CC2D1A: variants seen among roughly 807,000 people sequenced by gnomAD.
CC2D1A encodes the protein coiled-coil and C2 domain containing 1A.
In CC2D1A, 68 loss-of-function variants were observed where a neutral mutation model predicts 123.8. The observed-to-expected ratio is 0.55, with a 90% CI of 0.45 to 0.67. The LOEUF (loss-of-function observed/expected upper bound fraction) is 0.67, where lower values mean the gene tolerates loss of function less well. CC2D1A is among the 30% of genes least tolerant of loss of function. The probability of loss-of-function intolerance (pLI) is 0.00; values close to 1 mark genes in which losing one functional copy is unlikely to be tolerated. For synonymous variants in CC2D1A, 477 were observed against 528.0 expected (o/e 0.90, Z 1.32); for missense variants, 1,185 against 1,290.3 (o/e 0.92, Z 1.25).
chr19:13,927,019 C>G lies in CC2D1A; in HGVS notation c.2167C>G (p.Arg723Gly). ...CAAACTCTGCATCAACCGCAGCCACCGTGGCTTCCGAAGGGCCATCCAGAC... is the reference window on the plus strand; with the variant it reads ...CAAACTCTGCATCAACCGCAGCCACGGTGGCTTCCGAAGGGCCATCCAGAC... ...QFKLCINRSH[R>G]GFRRAIQTKG... Residue 723 changes from arginine to glycine, a missense_variant, in exon 21 of 29, where the codon CGT (arginine) becomes GGT (glycine). Arg to Gly is a moderately radical substitution (Grantham distance 125). Coordinates refer to ENST00000318003, the MANE Select transcript of CC2D1A (RefSeq NM_017721.5). 6.2e-7 allele frequency: 1 copy of G among 1,614,068 alleles called. No individual in the cohort carries two copies. The highest frequency in any genetic ancestry group is 8.5e-7 in the Non-Finnish European group (1 of 1,180,020).
Position 13,918,588 on chromosome 19 carries a change from G to T in CC2D1A, c.946+12G>T. Reference sequence around the variant, plus strand: ...GCCCCCTCCACCCGGTGAGAACCCTGCCATGCCCACTCTCTGGGATGGTTT... The same window carrying T: ...GCCCCCTCCACCCGGTGAGAACCCTTCCATGCCCACTCTCTGGGATGGTTT... On this transcript the variant is annotated intron_variant, in intron 8 of 28. Transcript: ENST00000318003. The T allele has an allele frequency of 6.2e-7, 1 of 1,612,222 alleles. No homozygotes were observed.
intron 22 of CC2D1A, 170 bp downstream of exon 22, chr19:13,927,435 C>A: frequency 1.6e-6 from 1 of 613,640 alleles, no homozygotes; most frequent in Non-Finnish European, 2.9e-6. Context: ...CAGTACCCCA[C>A]TCCATTATGA....
In CC2D1A at chr19:13,909,875, G is replaced by A. The variant is rs1970934112; in HGVS notation, c.113G>A (p.Gly38Glu). The A allele has an allele frequency of 1.3e-6, 2 of 1,573,756 alleles. No homozygotes were observed. Among genetic ancestry groups the A allele is most frequent in the South Asian group, 1.2e-5 (1 of 85,544 alleles). The change falls in exon 2 of 29, where the codon GGG (glycine) becomes GAG (glutamate). Residue 38 changes from glycine to glutamate, a missense_variant. Physicochemically the swap from Gly to Glu is moderately conservative, Grantham distance 98 (BLOSUM62 -2). Transcript: ENST00000318003. Reference sequence around the variant, plus strand: ...GATGGCCTGATGATCCCTGAGGACGGGGCTAACGATGAAGAACTGGAGGCT... The same window carrying A: ...GATGGCCTGATGATCCCTGAGGACGAGGCTAACGATGAAGAACTGGAGGCT... ...SPDGLMIPED[G>E]ANDEELEAEF...
chr19:13,914,827 G>C (rs1245614485), intron 6 of CC2D1A, among the ~76,000 whole-genome samples: 1 of 152,166 alleles, frequency 6.6e-6, no homozygotes, highest in Non-Finnish European at 1.5e-5. Flanking sequence ...ACTTTTTGTA[G>C]AGGTGCCATG....
chr19:13,927,214 G>A lies in CC2D1A; in HGVS notation c.2265G>A (p.Gln755=), dbSNP rs373172947. The A allele has an allele frequency of 1.2e-6, 2 of 1,614,152 alleles. No homozygotes were observed. Among genetic ancestry groups the A allele is most frequent in the African/African-American group, 2.7e-5 (2 of 75,042 alleles). Residue 755 remains glutamine (Q), a synonymous_variant, in exon 22 of 29, where the codon CAG becomes CAA. Coordinates refer to ENST00000318003, the MANE Select transcript of CC2D1A (RefSeq NM_017721.5). ...CTGACCGGGTGCTGGGGACAGCCCAGCTGAAGCTGGATGCACTGGAGATAG... is the reference window on the plus strand; with the variant it reads ...CTGACCGGGTGCTGGGGACAGCCCAACTGAAGCTGGATGCACTGGAGATAG... ...FKTDRVLGTA[Q]LKLDALEIAC...
At chr19:13,915,640 G>C (rs1489170188) in intron 6 of CC2D1A, among the ~76,000 whole-genome samples, 1 of 152,156 alleles carries the variant, frequency 6.6e-6, no homozygotes, top group African/African-American at 2.4e-5. Flanking sequence ...GAGCAGTCTA[G>C]GCAACATAGC....
chr19:13,917,107 G>C (rs1006085345), intron 6 of CC2D1A, among the ~76,000 whole-genome samples: 1 of 152,218 alleles, frequency 6.6e-6, no homozygotes, highest in Non-Finnish European at 1.5e-5. Flanking sequence ...ATAAATTTCT[G>C]TGGGGGACGT....
Position 13,929,413 on chromosome 19 carries a change from G to C in CC2D1A, c.2554G>C (p.Ala852Pro). ...ARPLHSLSVLAFDQERLERKI... is the reference protein window; with the variant it reads ...ARPLHSLSVLPFDQERLERKI... ...GCCCCTGCATAGCCTCAGTGTGCTGGCGTTTGACCAAGAGCGTCTGGAGCG... is the reference window on the plus strand; with the variant it reads ...GCCCCTGCATAGCCTCAGTGTGCTGCCGTTTGACCAAGAGCGTCTGGAGCG... The change falls in exon 25 of 29, where the codon GCG becomes CCG. Residue 852 changes from alanine to proline, a missense_variant. Ala to Pro is a conservative substitution (Grantham distance 27). Coordinates refer to ENST00000318003, the MANE Select transcript of CC2D1A (RefSeq NM_017721.5). The C allele has an allele frequency of 1.9e-6, 3 of 1,613,518 alleles. No individual in the cohort carries two copies. The highest frequency in any genetic ancestry group is 1.7e-6 in the Non-Finnish European group (2 of 1,179,980).
chr19:13,910,545 G>A (rs76955960), intron 2 of CC2D1A, among the ~76,000 whole-genome samples: 1,658 of 152,104 alleles, frequency 0.011, 37 homozygotes, highest in African/African-American at 0.038. Flanking sequence ...CTGTAAAACT[G>A]GAATAATAAC....
chr19:13,915,433 A>G (rs1454334092), intron 6 of CC2D1A, among the ~76,000 whole-genome samples: 1 of 152,048 alleles, frequency 6.6e-6, no homozygotes, highest in African/African-American at 2.4e-5. Context: ...TTTAGTAGAG[A>G]CGGGGTTTCA....
chr19:13,929,662 T>C lies in CC2D1A; in HGVS notation c.2710+2T>C. ...AGGGGGGTGTGGGCATCCGACGGGG[T>C]AGGGGTTTGGAGATGGGCATCTGGT... On this transcript the variant is annotated splice_donor_variant, in intron 26 of 28. Coordinates refer to ENST00000318003, the MANE Select transcript of CC2D1A (RefSeq NM_017721.5). LOFTEE classifies it high-confidence loss of function. The C allele has an allele frequency of 6.9e-7, 1 of 1,458,048 alleles. No individual in the cohort carries two copies. Among genetic ancestry groups the C allele is most frequent in the Non-Finnish European group, 9.1e-7 (1 of 1,101,866 alleles). The allele number at this position is 1,458,048 out of a possible 1,614,324, so 90.3% of individuals were successfully genotyped here.
At chr19:13,918,427 G>C in intron 7 of CC2D1A, 77 bp from the exon 8 acceptor site, 1 of 1,402,436 alleles carries the variant, frequency 7.1e-7, no homozygotes, top group South Asian at 1.3e-5. Context: ...CGGTGGCATG[G>C]AAGGGCCCGG....
In CC2D1A at chr19:13,927,282, C is replaced by G; in HGVS notation, c.2316+17C>G. 1 of 1,593,516 alleles carries G rather than the reference C, an allele frequency of 6.3e-7. No individual in the cohort carries two copies. Among genetic ancestry groups the G allele is most frequent in the Non-Finnish European group, 8.6e-7 (1 of 1,161,324 alleles). ...ATCCTTGAGGTGAGAGGTGGACATT[C>G]ATCCGCGTGCTCCGGTATGGCCATG... is the stretch of plus-strand genomic sequence containing the variant. On this transcript the variant is annotated intron_variant, in intron 22 of 28. Coordinates refer to ENST00000318003, the MANE Select transcript of CC2D1A (RefSeq NM_017721.5).
chr19:13,926,729 C>T lies in CC2D1A; in HGVS notation c.2073+4C>T, dbSNP rs369408557. The T allele has an allele frequency of 1.1e-5, 17 of 1,614,116 alleles. No homozygotes were observed. The highest frequency in any genetic ancestry group is 2.7e-5 in the African/African-American group (2 of 75,034). On this transcript the variant is annotated splice_donor_region_variant and intron_variant, in intron 19 of 28. Transcript: ENST00000318003. ...TGACTTCCCCTATCCCAACGTGGTA[C>T]GTGGGGAGCTGAGGAGGGGAGGGCT...
intron 11 of CC2D1A, among the ~76,000 whole-genome samples, chr19:13,919,405 T>C (rs1280980382): frequency 6.6e-6 from 1 of 152,098 alleles, no homozygotes; most frequent in Non-Finnish European, 1.5e-5. Flanking sequence ...TGTTAATCAG[T>C]GGGAGCTTGA....
Position 13,929,630 on chromosome 19 carries a change from C to T in CC2D1A, c.2680C>T (p.Leu894=). ...ACGCAGCCAGTGGCAGAGGGCACAG[C>T]TGGAGCAGGGGGGTGTGGGCATCCG... ...MQRSQWQRAQ[L]EQGGVGIRRE... The change falls in exon 26 of 29, where the codon CTG becomes TTG. Residue 894 remains leucine, a synonymous_variant. Transcript: ENST00000318003. The T allele has an allele frequency of 6.4e-7, 1 of 1,562,086 alleles. No individual in the cohort carries two copies. The highest frequency in any genetic ancestry group is 8.6e-7 in the Non-Finnish European group (1 of 1,159,102).
At position 13,930,128 on chromosome 19, in the gene CC2D1A, C is replaced by T. The variant is rs776483239; in HGVS notation, c.2761C>T (p.Arg921Trp). The T allele has an allele frequency of 2.2e-5, 35 of 1,612,774 alleles. No individual in the cohort carries two copies. In the Middle Eastern group the frequency reaches 4.9e-4, roughly 23 times the overall value. The change falls in exon 27 of 29, where the codon CGG (arginine) becomes TGG (tryptophan). Residue 921 changes from arginine to tryptophan, a missense_variant. Coordinates refer to ENST00000318003, the MANE Select transcript of CC2D1A (RefSeq NM_017721.5). The surrounding 1 kb of genome is among the most constrained non-coding windows in gnomAD (Gnocchi z 6.8). ...RQLQFYTEAA[R>W]RLGNDGSRDA... ...GCTGCAGTTCTACACGGAGGCTGCC[C>T]GGCGCCTGGGCAACGATGGCAGCAG... is the stretch of plus-strand genomic sequence containing the variant.
intron 14 of CC2D1A, 63 bp downstream of exon 14, chr19:13,920,985 C>A: frequency 6.8e-7 from 1 of 1,470,878 alleles, no homozygotes; most frequent in Non-Finnish European, 9.1e-7. Context: ...TGCCCCTTAG[C>A]AGCCACGTGA....
Position 13,930,286 on chromosome 19 carries a change from T to C in CC2D1A, c.2832T>C (p.Ser944=), listed in dbSNP as rs1423966110. The change falls in exon 28 of 29, where the codon AGT becomes AGC. Residue 944 remains serine (S), a synonymous_variant. Coordinates refer to ENST00000318003, the MANE Select transcript of CC2D1A (RefSeq NM_017721.5). The surrounding 1 kb of genome is among the most constrained non-coding windows in gnomAD (Gnocchi z 6.8). ...EALYRRNLVE[S]ELQRLRR is the part of the protein sequence containing the mutation. ...TCTATAGGCGGAATCTGGTAGAGAG[T>C]GAGGTAAGCAGCTTAGGAGATGGGG... 6.2e-7 allele frequency: 1 copy of C among 1,613,170 alleles called. No homozygotes were observed. The highest frequency in any genetic ancestry group is 2.2e-5 in the East Asian group (1 of 44,810).
Sources: allele counts gnomAD v4.1 joint callset (sites outside exome capture counted in the v4.1 genomes callset), GRCh38; gene constraint gnomAD v4.1.1; non-coding constraint Gnocchi (gnomAD v3.1); transcripts MANE v1.5; gene names NCBI Gene and HGNC (gene_info 2026-07-23, HGNC 2026-07-21).